Variants in CSMD1 observed in about 807,000 individuals in gnomAD.
CSMD1 encodes the protein CUB and sushi domain-containing protein 1.
Under a neutral mutation model 417.5 loss-of-function variants are expected in CSMD1, and 213 were observed. The ratio of observed to expected loss-of-function variants is 0.51; its 90% CI spans 0.46 to 0.57. The LOEUF is 0.57. Among genes scored for constraint, CSMD1 ranks in the 20% least tolerant of loss-of-function variants. The pLI is 0.00. For synonymous variants in CSMD1, 2,862 were observed against 1,736.8 expected (o/e 1.65, Z -16.11); for missense variants, 6,923 against 4,529.7 (o/e 1.53, Z -15.17).
At chr8:3,650,271 C>G (rs969052073) in intron 7 of CSMD1, among the ~76,000 whole-genome samples, 1 of 149,142 alleles carries the variant, frequency 6.7e-6, no homozygotes, top group African/African-American at 2.5e-5. Flanking sequence ...GAGCAAGACT[C>G]TTTCTCAGAA....
chr8:3,494,356 G>A (rs1017762124), intron 10 of CSMD1, among the ~76,000 whole-genome samples: 1 of 152,142 alleles, frequency 6.6e-6, no homozygotes, highest in South Asian at 2.1e-4. Context: ...TTTCTGTAGA[G>A]CACAAGATCT....
At chr8:3,433,957 T>G (rs28539907) in intron 12 of CSMD1, among the ~76,000 whole-genome samples, 46,598 of 152,018 alleles carry the variant, frequency 0.31, 7,589 homozygotes, top group East Asian at 0.57. Context: ...CAGGCAAGAC[T>G]CCCCTCTGGA....
intron 3 of CSMD1, among the ~76,000 whole-genome samples, chr8:4,047,311 AT>A (rs1798198178): frequency 6.6e-6 from 1 of 152,212 alleles, no homozygotes; most frequent in Non-Finnish European, 1.5e-5. Context: ...ATAAAGTGGA[AT>A]ATTCTGAAAA....
intron 23 of CSMD1, among the ~76,000 whole-genome samples, chr8:3,326,446 T>C (rs1806538257): frequency 6.6e-6 from 1 of 152,200 alleles, no homozygotes; most frequent in African/African-American, 2.4e-5. Flanking sequence ...ATGAGGTGTT[T>C]CGGTTTCAGA....
intron 5 of CSMD1, among the ~76,000 whole-genome samples, chr8:3,959,939 A>G (rs889324536): frequency 1.3e-5 from 2 of 152,200 alleles, no homozygotes; most frequent in African/African-American, 4.8e-5. Context: ...TGTACTAGCC[A>G]TTTGATCATG....
chr8:3,285,693 C>G (rs1008176663), intron 25 of CSMD1, among the ~76,000 whole-genome samples: 2 of 151,978 alleles, frequency 1.3e-5, no homozygotes, highest in Non-Finnish European at 2.9e-5. Context: ...GCCACCACGC[C>G]CAGACCAGAA....
At chr8:4,858,566 G>A (rs191333350) in intron 1 of CSMD1, among the ~76,000 whole-genome samples, 141 of 152,292 alleles carry the variant, frequency 9.3e-4, no homozygotes, top group Non-Finnish European at 1.4e-3. Context: ...CTTCGGCAAA[G>A]TCTCAGGATG....
intron 6 of CSMD1, among the ~76,000 whole-genome samples, chr8:3,710,166 A>C (rs1009238117): frequency 1.3e-5 from 2 of 152,002 alleles, no homozygotes; most frequent in African/African-American, 4.8e-5. Flanking sequence ...AGTTGTCTGC[A>C]AGTTTTTTGT....
chr8:3,054,876 T>C (rs770238743), intron 49 of CSMD1, among the ~76,000 whole-genome samples: 3 of 152,214 alleles, frequency 2.0e-5, no homozygotes, highest in Admixed American at 1.3e-4. Context: ...GGGAAGACTG[T>C]TGGCATGTGG....
intron 2 of CSMD1, among the ~76,000 whole-genome samples, chr8:4,631,055 A>C (rs1210341599): frequency 6.6e-6 from 1 of 152,158 alleles, no homozygotes; most frequent in African/African-American, 2.4e-5. Flanking sequence ...GACATCACTC[A>C]CTAGCCAAGC....
At chr8:3,647,845 T>A (rs2117360800) in intron 7 of CSMD1, among the ~76,000 whole-genome samples, 1 of 152,370 alleles carries the variant, frequency 6.6e-6, no homozygotes, top group African/African-American at 2.4e-5. Flanking sequence ...GAGAAGGCAC[T>A]TTGTACCTTT....
At chr8:3,957,194 A>G (rs11991410) in intron 5 of CSMD1, among the ~76,000 whole-genome samples, 2,285 of 152,308 alleles carry the variant, frequency 0.015, 49 homozygotes, top group African/African-American at 0.051. Context: ...TGCAGAACTA[A>G]AACATTTCTC....
rs368081101 is a variant in CSMD1 at position 4,420,010 on chromosome 8, G to A, written c.358C>T (p.Leu120=). The change falls in exon 3 of 70, where the codon CTG becomes TTG. Residue 120 remains leucine (L), a synonymous_variant. Transcript: ENST00000635120. The stretch of plus-strand genomic sequence containing the variant: ...ACAGCGAAGTCTGTCGTGAACCACA[G>A]AGTGAGGATAGATCCTGTACTCACT... ...SIVSTGSILT[L]WFTTDFAVSA... 1.9e-5 allele frequency: 30 copies of A among 1,588,292 alleles called. No individual in the cohort carries two copies. The Admixed American group carries it at 1.9e-4, about 10-fold the overall frequency.
intron 49 of CSMD1, among the ~76,000 whole-genome samples, chr8:3,075,455 A>G (rs1813592473): frequency 6.6e-6 from 1 of 150,376 alleles, no homozygotes; most frequent in Non-Finnish European, 1.5e-5. Context: ...CTAATTTTGT[A>G]TTTTTAGTAG....
At chr8:4,246,702 T>C (rs1802733943) in intron 3 of CSMD1, among the ~76,000 whole-genome samples, 1 of 152,174 alleles carries the variant, frequency 6.6e-6, no homozygotes, top group African/African-American at 2.4e-5. Context: ...AATTTTTCAT[T>C]GTTTTTTAAT....
chr8:2,964,423 T>C (rs911980401), intron 59 of CSMD1, among the ~76,000 whole-genome samples: 6 of 152,110 alleles, frequency 3.9e-5, no homozygotes, highest in African/African-American at 1.4e-4. Context: ...GAGGCCCCAG[T>C]TGGAAGAGAC....
At chr8:4,375,241 C>A (rs115368969) in intron 3 of CSMD1, among the ~76,000 whole-genome samples, 235 of 152,176 alleles carry the variant, frequency 1.5e-3, no homozygotes, top group African/African-American at 5.1e-3. Context: ...TCTTAGAATA[C>A]ATAAAACATG....
intron 5 of CSMD1, among the ~76,000 whole-genome samples, chr8:3,915,413 A>G (rs953522067): frequency 2.8e-4 from 42 of 149,932 alleles, no homozygotes; most frequent in Middle Eastern, 3.4e-3. Context: ...CTCAAAAAAA[A>G]AAAAAAAAAA....
chr8:3,230,174 C>G lies in CSMD1; in HGVS notation c.4211G>C (p.Gly1404Ala), dbSNP rs1284474768. 1 of 1,612,888 alleles carries G rather than the reference C, an allele frequency of 6.2e-7. No individual in the cohort carries two copies. The highest frequency in any genetic ancestry group is 1.1e-5 in the South Asian group (1 of 90,962). ...PGMPQNGTRY[G>A]DSREAGDTVT... ...GGTGTCTCCAGCCTCTCTGCTGTCT[C>G]CATAGCGGGTGCCATTTTGGGGCAT... Residue 1404 changes from glycine (G) to alanine (A), a missense_variant, in exon 27 of 70, where the codon GGA (glycine) becomes GCA (alanine). Coordinates refer to ENST00000635120, the MANE Select transcript of CSMD1 (RefSeq NM_033225.6).
Sources: allele counts gnomAD v4.1 joint callset (sites outside exome capture counted in the v4.1 genomes callset), GRCh38; gene constraint gnomAD v4.1.1; transcripts MANE v1.5; gene names NCBI Gene and HGNC (gene_info 2026-07-23, HGNC 2026-07-21).